BRD7: variants seen among roughly 807,000 people sequenced by gnomAD.
The protein encoded by BRD7 is bromodomain containing 7.
A neutral mutation model predicts 82.1 loss-of-function variants in BRD7; 15 were observed. The observed-to-expected ratio is 0.18, with a 90% CI of 0.12 to 0.28. BRD7 has a LOEUF of 0.28. BRD7 is among the 10% of genes least tolerant of loss of function. The pLI is 1.00. For synonymous variants in BRD7, 232 were observed against 266.9 expected, an observed-to-expected ratio of 0.87 and a Z score of 1.27; for missense variants, 638 against 779.9, an observed-to-expected ratio of 0.82 and a Z score of 2.17.
At chr16:50,345,774 C>T (rs946296831) in intron 5 of BRD7, among the ~76,000 whole-genome samples, 2 of 152,126 alleles carry the variant, frequency 1.3e-5, no homozygotes, top group Non-Finnish European at 2.9e-5. Context: ...TAAAGCAAGT[C>T]CTGAGTTACC....
At chr16:50,363,447 T>C (rs990079721) in intron 2 of BRD7, among the ~76,000 whole-genome samples, 1 of 152,246 alleles carries the variant, frequency 6.6e-6, no homozygotes, top group South Asian at 2.1e-4. Context: ...GGGTGGTGTC[T>C]TGTGGAAACC....
At chr16:50,320,448 C>CTAG in intron 14 of BRD7, 57 bp from the exon 15 acceptor site, 1 of 1,583,814 alleles carries the variant, frequency 6.3e-7, no homozygotes, top group South Asian at 1.2e-5. Context: ...AAACCGAATC[C>CTAG]TAGGCTCTAG....
At chr16:50,368,374 G>A (rs1597110747) in intron 1 of BRD7, 76 bp from the exon 2 acceptor site, 1 of 1,468,686 alleles carries the variant, frequency 6.8e-7, no homozygotes, top group East Asian at 2.3e-5. Flanking sequence ...TAAGGATGCA[G>A]AGCGCCAAGG....
At chr16:50,352,355 G>C (rs2038561912) in intron 4 of BRD7, among the ~76,000 whole-genome samples, 1 of 152,202 alleles carries the variant, frequency 6.6e-6, no homozygotes, top group Non-Finnish European at 1.5e-5. Context: ...GTTCATCCAT[G>C]TTGTTACAAA....
chr16:50,327,261 G>A (rs1399893150), intron 9 of BRD7, among the ~76,000 whole-genome samples: 1 of 152,100 alleles, frequency 6.6e-6, no homozygotes, highest in East Asian at 1.9e-4. Context: ...AGTCAGCTTT[G>A]GCCACATTTG....
chr16:50,357,814 C>A (rs539703808), intron 2 of BRD7, among the ~76,000 whole-genome samples: 1 of 152,062 alleles, frequency 6.6e-6, no homozygotes, highest in African/African-American at 2.4e-5. Flanking sequence ...AACTCCATCT[C>A]TACTAAAAAT....
chr16:50,368,694 G>A lies in BRD7; in HGVS notation c.49+32C>T, dbSNP rs766495430. The stretch of plus-strand genomic sequence containing the variant: ...CGGAAGCCCGGCAGAGCCGCCGAGG[G>A]CCCGCCGCCCGCACCCCGGCCCCCT... On this transcript the variant is annotated intron_variant, in intron 1 of 16. Coordinates refer to ENST00000394688, the MANE Select transcript of BRD7 (RefSeq NM_013263.5). 6.1e-6 allele frequency: 9 copies of A among 1,465,588 alleles called. No individual in the cohort carries two copies. The East Asian group carries it at 1.6e-4, about 26-fold the overall frequency. 90.8% of individuals were successfully genotyped at this position (1,465,588 alleles called of 1,614,324 possible).
intron 12 of BRD7, among the ~76,000 whole-genome samples, chr16:50,322,486 C>T (rs921570176): frequency 2.6e-5 from 4 of 152,144 alleles, no homozygotes; most frequent in African/African-American, 4.8e-5. Context: ...CTCTTCAGAG[C>T]TAATGCACCC....
At chr16:50,346,595 A>C (rs1175745170) in intron 5 of BRD7, among the ~76,000 whole-genome samples, 1 of 152,366 alleles carries the variant, frequency 6.6e-6, no homozygotes, top group East Asian at 1.9e-4. Flanking sequence ...ATCGCCACTG[A>C]TCCCACAGAA....
chr16:50,318,994 C>T lies in BRD7; in HGVS notation c.*217G>A, dbSNP rs961649929. 7 of 497,412 alleles carry T rather than the reference C, an allele frequency of 1.4e-5. No individual in the cohort carries two copies. Among genetic ancestry groups the T allele is most frequent in the Non-Finnish European group, 2.2e-5 (6 of 277,056 alleles). 30.8% of individuals were successfully genotyped at this position (497,412 alleles called of 1,614,324 possible). On this transcript the variant is annotated 3_prime_UTR_variant, in exon 17 of 17. Coordinates refer to ENST00000394688, the MANE Select transcript of BRD7 (RefSeq NM_013263.5). Reference sequence around the variant, plus strand: ...AAGGCACTATTTTGAAAGAATGCTGCACAGGTATGGCAACAGCCCCAAGCA... The same window carrying T: ...AAGGCACTATTTTGAAAGAATGCTGTACAGGTATGGCAACAGCCCCAAGCA...
In BRD7 at chr16:50,367,580, T is replaced by C. The variant is rs567330922; in HGVS notation, c.258+510A>G. Reference sequence around the variant, plus strand: ...AAGATGGTAGCTACTCATTCTTTTCTGTTAAATGCAAATGGTTAAGAATAT... The same window carrying C: ...AAGATGGTAGCTACTCATTCTTTTCCGTTAAATGCAAATGGTTAAGAATAT... On this transcript the variant is annotated intron_variant, in intron 2 of 16. Transcript: ENST00000394688. 4.6e-5 allele frequency among the ~76,000 whole-genome samples: 7 copies of C among 152,376 alleles called. No homozygotes were observed. In the East Asian group the frequency reaches 9.6e-4, roughly 21 times the overall value.
Position 50,354,407 on chromosome 16 carries a change from T to C in BRD7, c.446+18A>G, listed in dbSNP as rs186665987. On this transcript the variant is annotated intron_variant, in intron 4 of 16. Transcript: ENST00000394688. ...CATTTTAATTTCTATGTTATAAAAA[T>C]ATTGGAAAAACATTTACCTCTGCAA... is the stretch of plus-strand genomic sequence containing the variant. The C allele has an allele frequency of 5.9e-5, 94 of 1,598,532 alleles. No homozygotes were observed. In the East Asian group the frequency reaches 1.8e-3, roughly 30 times the overall value.
chr16:50,340,902 A>T (rs2038018885), intron 5 of BRD7, among the ~76,000 whole-genome samples: 1 of 152,184 alleles, frequency 6.6e-6, no homozygotes, highest in Non-Finnish European at 1.5e-5. Flanking sequence ...AAAACCCAAG[A>T]AAAGAGAATC....
chr16:50,333,815 C>A, intron 7 of BRD7, 118 bp from the exon 8 acceptor site: 3 of 870,288 alleles, frequency 3.4e-6, no homozygotes, highest in South Asian at 2.0e-5. Context: ...TACAGTCACT[C>A]ATTGAAACTT....
chr16:50,357,854 G>A (rs958831369), intron 2 of BRD7, among the ~76,000 whole-genome samples: 3 of 152,142 alleles, frequency 2.0e-5, no homozygotes, highest in African/African-American at 4.8e-5. Context: ...GGTGGTGCAC[G>A]CCTGTAATCC....
rs751216272 is a variant in BRD7, at chr16:50,320,672, CAAA to C, written c.1600_1602del (p.Phe534del). On this transcript the variant is annotated inframe_deletion, in exon 14 of 17. Coordinates refer to ENST00000394688, the MANE Select transcript of BRD7 (RefSeq NM_013263.5). ...CTCTGGAGACACTTACCTTCAGAGT[CAAA>C]AACTTCAACTGGAACGCCAAAATTT... 56 of 1,613,194 alleles carry C rather than the reference CAAA, an allele frequency of 3.5e-5. No homozygotes were observed. The highest frequency in any genetic ancestry group is 4.6e-5 in the Non-Finnish European group (54 of 1,179,420).
chr16:50,350,262 C>A, intron 4 of BRD7, 95 bp from the exon 5 acceptor site: 1 of 881,140 alleles, frequency 1.1e-6, no homozygotes, highest in Non-Finnish European at 1.6e-6. Context: ...CCTTCAGATG[C>A]AGAAAGAATT....
At chr16:50,335,814 CTCATCACACCATGCTCTAT>C (rs1388669406) in intron 6 of BRD7, among the ~76,000 whole-genome samples, 7 of 152,210 alleles carry the variant, frequency 4.6e-5, no homozygotes, top group Non-Finnish European at 8.8e-5. Flanking sequence ...TGGGCCTTTC[CTCATCACACCATGCTCTAT>C]TAGTAGTGCA....
At chr16:50,330,560 G>C (rs1041833102) in intron 8 of BRD7, among the ~76,000 whole-genome samples, 2 of 152,082 alleles carry the variant, frequency 1.3e-5, no homozygotes, top group African/African-American at 4.8e-5. Flanking sequence ...GAGGGGGAGA[G>C]AAAGTGAAAA....
Sources: allele counts gnomAD v4.1 joint callset (sites outside exome capture counted in the v4.1 genomes callset), GRCh38; gene constraint gnomAD v4.1.1; transcripts MANE v1.5; gene names NCBI Gene and HGNC (gene_info 2026-07-23, HGNC 2026-07-21).